ETNK1: variants seen among roughly 807,000 people sequenced by gnomAD.
ETNK1 encodes the protein ethanolamine kinase 1.
In ETNK1, 8 loss-of-function variants were observed where a neutral mutation model predicts 45.1. The observed-to-expected ratio is 0.18, with a 90% CI of 0.10 to 0.32. The LOEUF is 0.32. ETNK1 is among the 10% of genes least tolerant of loss of function. ETNK1 has a pLI of 1.00. For synonymous variants in ETNK1, 152 were observed against 151.9 expected (o/e 1.00, Z -0.01); for missense variants, 302 against 430.6 (o/e 0.70, Z 2.64).
rs1194193502 is a variant in ETNK1, at chr12:22,625,474, C to T, written c.44C>T (p.Pro15Leu). ...IHVPPGSPEVPKLNVTVQDQE... is the reference protein window; with the variant it reads ...IHVPPGSPEVLKLNVTVQDQE... Reference sequence around the variant, plus strand: ...GTCCCTCCCGGCTCCCCGGAGGTGCCCAAGCTGAACGTCACCGTTCAGGAT... The same window carrying T: ...GTCCCTCCCGGCTCCCCGGAGGTGCTCAAGCTGAACGTCACCGTTCAGGAT... Residue 15 changes from proline (P) to leucine (L), a missense_variant, in exon 1 of 8, where the codon CCC becomes CTC. Pro to Leu is a moderately conservative substitution (Grantham distance 98, BLOSUM62 -3). This residue lies in a region of ETNK1 where 205 missense variants were observed against 259.9 expected (regional missense o/e 0.79). Coordinates refer to ENST00000266517, the MANE Select transcript of ETNK1 (RefSeq NM_018638.5). 7 of 1,603,108 alleles carry T rather than the reference C, an allele frequency of 4.4e-6. No individual in the cohort carries two copies. Among genetic ancestry groups the T allele is most frequent in the Non-Finnish European group, 6.0e-6 (7 of 1,175,378 alleles).
chr12:22,673,123 T>C (rs1000552386), intron 5 of ETNK1, among the ~76,000 whole-genome samples: 2 of 151,786 alleles, frequency 1.3e-5, no homozygotes, highest in South Asian at 2.1e-4. Flanking sequence ...TTACCATGAG[T>C]CATGGTTTGA....
chr12:22,637,182 C>G (rs941237519), intron 1 of ETNK1, among the ~76,000 whole-genome samples: 1 of 152,202 alleles, frequency 6.6e-6, no homozygotes. Flanking sequence ...TTTGCTGGGA[C>G]CTGAGAATTC....
At chr12:22,663,453 C>T (rs1236997734) in intron 4 of ETNK1, among the ~76,000 whole-genome samples, 1 of 152,018 alleles carries the variant, frequency 6.6e-6, no homozygotes, top group Non-Finnish European at 1.5e-5. Flanking sequence ...ATTCATTTCA[C>T]AGAACAAAAC....
At chr12:22,630,336 T>G (rs537911115) in intron 1 of ETNK1, among the ~76,000 whole-genome samples, 1 of 152,312 alleles carries the variant, frequency 6.6e-6, no homozygotes, top group Admixed American at 6.5e-5. Context: ...CATGTGTTTT[T>G]TGTACTAGCT....
At chr12:22,684,258 T>C (rs1357647284) in intron 6 of ETNK1, among the ~76,000 whole-genome samples, 1 of 152,142 alleles carries the variant, frequency 6.6e-6, no homozygotes, top group East Asian at 1.9e-4. Context: ...ATTTTTCAAG[T>C]GATTATAATT....
chr12:22,662,578 T>G (rs1954016400), intron 4 of ETNK1, among the ~76,000 whole-genome samples: 1 of 151,890 alleles, frequency 6.6e-6, no homozygotes, highest in Non-Finnish European at 1.5e-5. Context: ...AATTTGTTTT[T>G]GTGGAGATGG....
intron 1 of ETNK1, among the ~76,000 whole-genome samples, chr12:22,640,719 G>A (rs946137995): frequency 1.3e-5 from 2 of 149,922 alleles, no homozygotes; most frequent in African/African-American, 5.1e-5. Flanking sequence ...TTTTATATAT[G>A]AGATAGAGAG....
intron 5 of ETNK1, among the ~76,000 whole-genome samples, chr12:22,672,428 G>GA (rs1954118628): frequency 6.6e-6 from 1 of 151,970 alleles, no homozygotes; most frequent in South Asian, 2.1e-4. Flanking sequence ...AATACTCTGG[G>GA]AAAAAATTTT....
chr12:22,641,892 A>G (rs1181214761), intron 1 of ETNK1, among the ~76,000 whole-genome samples: 3 of 152,176 alleles, frequency 2.0e-5, no homozygotes, highest in African/African-American at 7.2e-5. Context: ...TGTCTTCTTC[A>G]TAAATGTTTA....
intron 2 of ETNK1, among the ~76,000 whole-genome samples, chr12:22,650,178 G>A (rs895041736): frequency 6.6e-6 from 1 of 151,320 alleles, no homozygotes; most frequent in Admixed American, 6.6e-5. Context: ...CTCATTCCGC[G>A]AGGTTTTTTT....
At chr12:22,658,686 G>A (rs746079621) in intron 2 of ETNK1, among the ~76,000 whole-genome samples, 4 of 152,138 alleles carry the variant, frequency 2.6e-5, no homozygotes, top group African/African-American at 9.7e-5. Context: ...CGGGGTTGGC[G>A]GATGGAAAAT....
intron 2 of ETNK1, among the ~76,000 whole-genome samples, chr12:22,654,321 A>G (rs1210515821): frequency 2.6e-5 from 4 of 152,234 alleles, no homozygotes; most frequent in African/African-American, 9.6e-5. Context: ...TGAGACCTGT[A>G]GATACTGGCT....
chr12:22,633,995 A>G lies in ETNK1; in HGVS notation c.156+8409A>G, dbSNP rs1462003365. On this transcript the variant is annotated intron_variant, in intron 1 of 7. Transcript: ENST00000266517. Reference sequence around the variant, plus strand: ...CTCTCTAACACACTTGAAAAAGAAGATAAAAGGTGATAGTGGTCATTTTTA... The same window carrying G: ...CTCTCTAACACACTTGAAAAAGAAGGTAAAAGGTGATAGTGGTCATTTTTA... Among the ~76,000 whole-genome samples, 3 of 152,136 alleles carry G rather than the reference A, an allele frequency of 2.0e-5. 1 individual carries two copies. In the South Asian group the frequency reaches 6.2e-4, roughly 31 times the overall value.
At chr12:22,645,385 A>G (rs1352865562) in intron 2 of ETNK1, among the ~76,000 whole-genome samples, 5 of 151,966 alleles carry the variant, frequency 3.3e-5, no homozygotes, top group African/African-American at 1.2e-4. Flanking sequence ...AAACAGTAAA[A>G]TAATTATAGT....
intron 6 of ETNK1, among the ~76,000 whole-genome samples, chr12:22,680,488 C>G (rs1954203948): frequency 6.6e-6 from 1 of 152,186 alleles, no homozygotes; most frequent in Non-Finnish European, 1.5e-5. Context: ...TACTTCTGCT[C>G]TAGCAGAGTC....
intron 1 of ETNK1, among the ~76,000 whole-genome samples, chr12:22,628,661 T>G (rs1035618905): frequency 5.9e-5 from 9 of 152,094 alleles, no homozygotes; most frequent in African/African-American, 2.2e-4. Flanking sequence ...GATGAATTAG[T>G]GTTTGGAATA....
intron 1 of ETNK1, among the ~76,000 whole-genome samples, chr12:22,635,757 T>A (rs958565240): frequency 1.3e-5 from 2 of 152,214 alleles, no homozygotes; most frequent in Non-Finnish European, 2.9e-5. Flanking sequence ...TTATTTGGTG[T>A]GTGTGTTATT....
intron 6 of ETNK1, among the ~76,000 whole-genome samples, chr12:22,676,703 A>G (rs1451304636): frequency 6.6e-6 from 1 of 152,010 alleles, no homozygotes; most frequent in Non-Finnish European, 1.5e-5. Flanking sequence ...TCACCATTCT[A>G]ACTGGCGTGA....
intron 2 of ETNK1, among the ~76,000 whole-genome samples, chr12:22,658,277 G>T (rs1953964375): frequency 6.6e-6 from 1 of 152,084 alleles, no homozygotes; most frequent in Non-Finnish European, 1.5e-5. Flanking sequence ...AGCCTAGGAG[G>T]TACCTATCAA....
Sources: allele counts gnomAD v4.1 joint callset (sites outside exome capture counted in the v4.1 genomes callset), GRCh38; gene constraint gnomAD v4.1.1; regional missense constraint gnomAD v4.1.1; transcripts MANE v1.5; gene names NCBI Gene and HGNC (gene_info 2026-07-23, HGNC 2026-07-21).